MBNL1: variants seen among roughly 807,000 people sequenced by gnomAD.
MBNL1 encodes muscleblind-like protein 1.
Under a neutral mutation model 42.2 loss-of-function variants are expected in MBNL1, and 8 were observed. That is an observed-to-expected ratio of 0.19 (90% CI 0.11 to 0.34). The LOEUF is 0.34. Ranked by LOEUF, MBNL1 falls within the 10% of genes least tolerant of loss-of-function variation. MBNL1 has a pLI of 1.00. For missense variants in MBNL1, 309 were observed against 495.3 expected, an observed-to-expected ratio of 0.62 and a Z score of 3.57; for synonymous variants, 169 against 173.9, an observed-to-expected ratio of 0.97 and a Z score of 0.22.
At chr3:152,456,422 C>G in intron 8 of MBNL1, 61 bp downstream of exon 8, 3 of 1,333,946 alleles carry the variant, frequency 2.2e-6, no homozygotes, top group Non-Finnish European at 3.2e-6. Flanking sequence ...AATCCAACAG[C>G]CCTTACGCAC....
chr3:152,305,356 G>A (rs2062517230), intron 2 of MBNL1, among the ~76,000 whole-genome samples: 1 of 152,128 alleles, frequency 6.6e-6, no homozygotes, highest in South Asian at 2.1e-4. Context: ...CCTTGCCAAG[G>A]ATAAGTAGAG....
rs150639726 is a variant in MBNL1, at chr3:152,344,552, C to T, written c.174+44185C>T. ...GAGTAAAACTCAAACCAAGTGTTTCCGTGAACATTTGTGTCTTCTTAATTT... is the reference window on the plus strand; with the variant it reads ...GAGTAAAACTCAAACCAAGTGTTTCTGTGAACATTTGTGTCTTCTTAATTT... On this transcript the variant is annotated intron_variant, in intron 2 of 9. Coordinates refer to ENST00000324210, the MANE Select transcript of MBNL1 (RefSeq NM_021038.5). Among the ~76,000 whole-genome samples the T allele has an allele frequency of 2.4e-3, 367 of 152,186 alleles. 1 individual carries two copies. Among genetic ancestry groups the T allele is most frequent in the African/African-American group, 8.6e-3 (359 of 41,530 alleles).
intron 3 of MBNL1, among the ~76,000 whole-genome samples, chr3:152,431,921 A>T (rs2099012587): frequency 6.7e-6 from 1 of 149,792 alleles, no homozygotes; most frequent in Non-Finnish European, 1.5e-5. Flanking sequence ...AACAATCCTT[A>T]TATATCCACG....
intron 1 of MBNL1, 53 bp from the exon 2 acceptor site, chr3:152,299,344 TACTGTAGG>T (rs1163800034): frequency 1.0e-5 from 2 of 195,118 alleles, no homozygotes; most frequent in Non-Finnish European, 2.1e-5. Flanking sequence ...AAGGTTGTGA[TACTGTAGG>T]ACATCAGTGA....
At chr3:152,370,308 G>A (rs1447278511) in intron 2 of MBNL1, among the ~76,000 whole-genome samples, 5 of 152,124 alleles carry the variant, frequency 3.3e-5, no homozygotes, top group African/African-American at 7.2e-5. Flanking sequence ...GTAGTTGGGC[G>A]ATTTTCAGTG....
chr3:152,364,268 A>C (rs1399435514), intron 2 of MBNL1, among the ~76,000 whole-genome samples: 1 of 152,132 alleles, frequency 6.6e-6, no homozygotes, highest in African/African-American at 2.4e-5. Context: ...TCCTTAAGAC[A>C]AGACATCTGT....
intron 2 of MBNL1, among the ~76,000 whole-genome samples, chr3:152,316,823 G>C (rs770753514): frequency 2.0e-5 from 3 of 151,928 alleles, no homozygotes; most frequent in Non-Finnish European, 2.9e-5. Flanking sequence ...GATAGAGCTG[G>C]CTTTGCCTTC....
intron 2 of MBNL1, among the ~76,000 whole-genome samples, chr3:152,406,742 A>G (rs187685750): frequency 1.3e-5 from 2 of 152,258 alleles, no homozygotes; most frequent in Admixed American, 6.5e-5. Flanking sequence ...AAATGTCGCT[A>G]TTGGTTTCAG....
At chr3:152,436,749 T>A (rs1187816374) in intron 4 of MBNL1, among the ~76,000 whole-genome samples, 1 of 152,236 alleles carries the variant, frequency 6.6e-6, no homozygotes, top group Non-Finnish European at 1.5e-5. Flanking sequence ...TGAAGACTTT[T>A]GTCTTTGAGT....
intron 2 of MBNL1, among the ~76,000 whole-genome samples, chr3:152,373,277 TC>T (rs564944656): frequency 2.1e-4 from 32 of 150,762 alleles, no homozygotes; most frequent in Middle Eastern, 6.8e-3. Context: ...CTCCCTGGCT[TC>T]AGTTCCCTTT....
intron 2 of MBNL1, among the ~76,000 whole-genome samples, chr3:152,348,198 G>C (rs1238739433): frequency 1.3e-5 from 2 of 152,108 alleles, no homozygotes; most frequent in African/African-American, 2.4e-5. Context: ...ACAAGCATCT[G>C]TCCCTTATGG....
intron 6 of MBNL1, among the ~76,000 whole-genome samples, chr3:152,453,347 AT>A (rs544571749): frequency 1.7e-4 from 26 of 152,126 alleles, no homozygotes; most frequent in Non-Finnish European, 3.1e-4. Flanking sequence ...TTTTTCCTAC[AT>A]TTTCATACAT....
intron 1 of MBNL1, among the ~76,000 whole-genome samples, chr3:152,280,692 T>C (rs557160653): frequency 1.1e-3 from 161 of 152,282 alleles, no homozygotes; most frequent in African/African-American, 3.8e-3. Context: ...CTCTTTTTCC[T>C]CCAGCTTTTC....
Position 152,464,469 on chromosome 3 carries a change from A to G in MBNL1, c.*2103A>G, listed in dbSNP as rs190593639. ...CTAAGTAAGAAGTTAAGTTGTTGCT[A>G]TCGCAACAATCCTGGCAGACAATTG... On this transcript the variant is annotated 3_prime_UTR_variant, in exon 10 of 10. Coordinates refer to ENST00000324210, the MANE Select transcript of MBNL1 (RefSeq NM_021038.5). 5 of 152,726 alleles carry G rather than the reference A, an allele frequency of 3.3e-5. No homozygotes were observed. The South Asian group carries it at 6.2e-4, about 19-fold the overall frequency. The allele number at this position is 152,726 out of a possible 1,614,324, so 9.5% of individuals were successfully genotyped here.
chr3:152,396,049 T>C (rs1410781722), intron 2 of MBNL1: 1 of 163,312 alleles, frequency 6.1e-6, no homozygotes, highest in African/African-American at 2.4e-5. Flanking sequence ...GACAACGTGT[T>C]GGATTCTCAT....
At chr3:152,286,121 C>T (rs1337750953) in intron 1 of MBNL1, among the ~76,000 whole-genome samples, 8 of 151,368 alleles carry the variant, frequency 5.3e-5, no homozygotes, top group Non-Finnish European at 1.2e-4. Flanking sequence ...TCTTTTTCCC[C>T]CATTAACTTT....
intron 2 of MBNL1, among the ~76,000 whole-genome samples, chr3:152,354,864 A>T (rs900629115): frequency 1.3e-5 from 2 of 152,164 alleles, no homozygotes; most frequent in African/African-American, 4.8e-5. Flanking sequence ...CTTCTATAGA[A>T]ATTTTTACCT....
intron 2 of MBNL1, among the ~76,000 whole-genome samples, chr3:152,414,238 G>A (rs1305685998): frequency 6.6e-6 from 1 of 152,164 alleles, no homozygotes; most frequent in Non-Finnish European, 1.5e-5. Context: ...ATTTTTTGGA[G>A]GGTAAATATA....
chr3:152,272,671 G>T (rs2149882242), intron 1 of MBNL1, among the ~76,000 whole-genome samples: 1 of 152,170 alleles, frequency 6.6e-6, no homozygotes, highest in African/African-American at 2.4e-5. Context: ...AGATAGGAGG[G>T]TATTGTTTTG....
Sources: gnomAD v4.1 joint callset for allele counts (sites outside exome capture counted in the v4.1 genomes callset) on GRCh38, gnomAD v4.1.1 for gene constraint, MANE v1.5 for transcripts, NCBI Gene and HGNC (gene_info 2026-07-23, HGNC 2026-07-21) for gene names.